SEH1L: variants seen among roughly 807,000 people sequenced by gnomAD.
The protein encoded by SEH1L is SEH1 like nucleoporin, also known as nucleoporin SEH1.
Under a neutral mutation model 49.5 loss-of-function variants are expected in SEH1L, and 18 were observed. The observed-to-expected ratio is 0.36, with a 90% CI of 0.25 to 0.54. The LOEUF is 0.54. SEH1L is among the 20% of genes least tolerant of loss of function. The probability of loss-of-function intolerance (pLI) is 0.87; values close to 1 mark genes in which losing one functional copy is unlikely to be tolerated. For missense variants in SEH1L, 404 were observed against 528.8 expected (o/e 0.76, Z 2.31); for synonymous variants, 169 against 178.1 (o/e 0.95, Z 0.41).
intron 3 of SEH1L, among the ~76,000 whole-genome samples, chr18:12,961,912 C>G (rs546655053): frequency 1.3e-5 from 2 of 152,102 alleles, no homozygotes; most frequent in Non-Finnish European, 2.9e-5. Context: ...AGTGATCACC[C>G]GCCTCAGTCT....
At chr18:12,972,198 GAAT>G (rs2031733763) in intron 5 of SEH1L, 1 of 152,274 alleles carries the variant, frequency 6.6e-6, no homozygotes, top group Non-Finnish European at 1.5e-5. Context: ...GACAACTTGA[GAAT>G]AATTGAGAAG....
intron 1 of SEH1L, among the ~76,000 whole-genome samples, chr18:12,949,383 A>G (rs969487579): frequency 6.6e-6 from 1 of 151,180 alleles, no homozygotes; most frequent in Non-Finnish European, 1.5e-5. Context: ...GCAATTTTTA[A>G]AAGATGTAGT....
chr18:12,979,873 G>T (rs1401581178), intron 6 of SEH1L, among the ~76,000 whole-genome samples: 1 of 141,682 alleles, frequency 7.1e-6, no homozygotes, highest in Non-Finnish European at 1.5e-5. Flanking sequence ...CGGGCGGGGG[G>T]CTGACCCCCC....
At chr18:12,980,892 C>T (rs2032214029) in intron 6 of SEH1L, among the ~76,000 whole-genome samples, 1 of 147,482 alleles carries the variant, frequency 6.8e-6, no homozygotes, top group Non-Finnish European at 1.5e-5. Flanking sequence ...CACCTCCCTT[C>T]CGGACGGGGC....
At chr18:12,976,228 A>G (rs981870548) in intron 5 of SEH1L, 4 of 152,208 alleles carry the variant, frequency 2.6e-5, no homozygotes. Flanking sequence ...TTGTGTCCTC[A>G]CAGCATGGCA....
chr18:12,955,717 G>T, intron 3 of SEH1L, 108 bp downstream of exon 3: 2 of 1,097,526 alleles, frequency 1.8e-6, no homozygotes, highest in African/African-American at 1.6e-5. Context: ...CTCCCCTCTA[G>T]TTTTACCAGT....
intron 1 of SEH1L, among the ~76,000 whole-genome samples, chr18:12,949,442 GTTTTTTTTTTTTTTTT>G (rs71174155): frequency 1.7e-4 from 9 of 51,812 alleles, no homozygotes; most frequent in Non-Finnish European, 3.2e-4. Flanking sequence ...TACGTTAACC[GTTTTTTTTTTTTTTTT>G]TTTTTTTTTT....
chr18:12,969,215 C>G (rs2031584495), intron 4 of SEH1L, among the ~76,000 whole-genome samples: 3 of 21,270 alleles, frequency 1.4e-4, no homozygotes, highest in Admixed American at 1.2e-3. Context: ...GTACCCGCCC[C>G]CCCCCCCCCC....
At chr18:12,964,722 G>A (rs1375859862) in intron 4 of SEH1L, among the ~76,000 whole-genome samples, 6 of 140,080 alleles carry the variant, frequency 4.3e-5, no homozygotes, top group South Asian at 2.5e-4. Context: ...TGCAAGCTCC[G>A]CCTCCTGGGT....
At chr18:12,962,394 T>A (rs866700951) in intron 3 of SEH1L, among the ~76,000 whole-genome samples, 5 of 139,600 alleles carry the variant, frequency 3.6e-5, no homozygotes, top group African/African-American at 1.3e-4. Flanking sequence ...AAAAAAATAA[T>A]AATAATAGTG....
At chr18:12,949,452 T>G (rs1485431816) in intron 1 of SEH1L, among the ~76,000 whole-genome samples, 5 of 117,590 alleles carry the variant, frequency 4.3e-5, no homozygotes, top group East Asian at 2.4e-4. Context: ...GTTTTTTTTT[T>G]TTTTTTTTTT....
intron 4 of SEH1L, among the ~76,000 whole-genome samples, chr18:12,965,235 A>G (rs966863004): frequency 6.6e-6 from 1 of 151,638 alleles, no homozygotes. Flanking sequence ...GATGGTCTCG[A>G]TCTCCTGACC....
At chr18:12,960,062 G>GT (rs1312528251) in intron 3 of SEH1L, among the ~76,000 whole-genome samples, 1 of 152,202 alleles carries the variant, frequency 6.6e-6, no homozygotes, top group African/African-American at 2.4e-5. Context: ...AAAAGTCTGT[G>GT]TTTCTTTGGT....
intron 3 of SEH1L, among the ~76,000 whole-genome samples, chr18:12,957,801 C>T (rs2030962855): frequency 6.6e-6 from 1 of 152,164 alleles, no homozygotes; most frequent in African/African-American, 2.4e-5. Context: ...ATTGCAGTCT[C>T]AACCTCCTGG....
In SEH1L at chr18:12,978,795, G is replaced by A; in HGVS notation, c.664G>A (p.Val222Ile). Residue 222 changes from valine (V) to isoleucine (I), a missense_variant, in exon 6 of 9, where the codon GTT becomes ATT. Around this residue, in one of 3 missense-constraint regions of SEH1L, gnomAD observed 342 missense variants for 430.8 expected, o/e 0.79. Coordinates refer to ENST00000399892, the MANE Select transcript of SEH1L (RefSeq NM_001013437.2). ...AETLMTVTDP[V>I]HDIAFAPNLG... Reference sequence around the variant, plus strand: ...AACTCTTATGACAGTCACTGATCCTGTTCATGATATTGCATTCGCTCCAAA... The same window carrying A: ...AACTCTTATGACAGTCACTGATCCTATTCATGATATTGCATTCGCTCCAAA... 1 of 1,613,568 alleles carries A rather than the reference G, an allele frequency of 6.2e-7. No homozygotes were observed.
intron 3 of SEH1L, 102 bp downstream of exon 3, chr18:12,955,711 C>G (rs995591696): frequency 8.4e-7 from 1 of 1,185,450 alleles, no homozygotes; most frequent in Admixed American, 2.3e-5. Context: ...TCACCACTCC[C>G]CTCTAGTTTT....
intron 6 of SEH1L, among the ~76,000 whole-genome samples, chr18:12,980,401 C>T (rs1434779824): frequency 3.0e-5 from 3 of 100,576 alleles, no homozygotes; most frequent in African/African-American, 4.1e-5. Flanking sequence ...CCGGACGGGG[C>T]GGCTGGCCGG....
Position 12,963,272 on chromosome 18 carries a change from T to A in SEH1L, c.422T>A (p.Ile141Asn). The change falls in exon 4 of 9, where the codon ATC becomes AAC. Residue 141 changes from isoleucine (I) to asparagine (N), a missense_variant. Coordinates refer to ENST00000399892, the MANE Select transcript of SEH1L (RefSeq NM_001013437.2). The stretch of plus-strand genomic sequence containing the variant: ...TGTTCCGCAGATGGTATAGTAAGAA[T>A]CTATGAGGCACCAGATGTTATGAAT... Reference protein sequence around the residue: ...ATCSADGIVRIYEAPDVMNLS... With the variant: ...ATCSADGIVRNYEAPDVMNLS... The A allele has an allele frequency of 6.2e-7, 1 of 1,614,172 alleles. No homozygotes were observed. The highest frequency in any genetic ancestry group is 8.5e-7 in the Non-Finnish European group (1 of 1,179,998).
intron 3 of SEH1L, among the ~76,000 whole-genome samples, chr18:12,961,395 T>A (rs2031170242): frequency 6.6e-6 from 1 of 152,154 alleles, no homozygotes; most frequent in African/African-American, 2.4e-5. Context: ...AGAGAAAGTT[T>A]AACAACTGCC....
Sources: allele counts gnomAD v4.1 joint callset (sites outside exome capture counted in the v4.1 genomes callset), GRCh38; gene constraint gnomAD v4.1.1; regional missense constraint gnomAD v4.1.1; transcripts MANE v1.5; gene names NCBI Gene and HGNC (gene_info 2026-07-23, HGNC 2026-07-21).